The following TRIP12 variants were observed in gnomAD, a reference collection of about 807,000 sequenced individuals.
The protein encoded by TRIP12 is E3 ubiquitin-protein ligase TRIP12.
TRIP12 carries 25 observed loss-of-function variants against 244.2 expected under a neutral mutation model. That is an observed-to-expected ratio of 0.10 (90% CI 0.07 to 0.14). The LOEUF (loss-of-function observed/expected upper bound fraction) is 0.14, where lower values mean the gene tolerates loss of function less well. Ranked by LOEUF, TRIP12 falls within the 10% of genes least tolerant of loss-of-function variation. The probability of loss-of-function intolerance (pLI) is 1.00; values close to 1 mark genes in which losing one functional copy is unlikely to be tolerated. For missense variants in TRIP12, 1,677 were observed against 2,486.4 expected (o/e 0.67, Z 6.92); for synonymous variants, 905 against 873.1 (o/e 1.04, Z -0.64).
intron 1 of TRIP12, among the ~76,000 whole-genome samples, chr2:229,889,321 T>G: frequency 6.6e-6 from 1 of 152,226 alleles, no homozygotes; most frequent in Non-Finnish European, 1.5e-5. Flanking sequence ...TGTAAGATGA[T>G]CAATTATCCT....
rs771257539 is a variant in TRIP12, at chr2:229,804,204, C to A, written c.2674G>T (p.Asp892Tyr). Residue 892 changes from aspartate (D) to tyrosine (Y), a missense_variant, in exon 19 of 42, where the codon GAT becomes TAT. Physicochemically the swap from Asp to Tyr is radical, Grantham distance 160. This residue lies in a region of TRIP12 where 572 missense variants were observed against 867.8 expected (regional missense o/e 0.66). Transcript: ENST00000675903. ...TTCATAAGCTGTGCTCGAGCATCATCCTTCTTTGACTCTGAATATCCACCT... is the reference window on the plus strand; with the variant it reads ...TTCATAAGCTGTGCTCGAGCATCATACTTCTTTGACTCTGAATATCCACCT... Reference protein sequence around the residue: ...NTSGYSESKKDDARAQLMKED... With the variant: ...NTSGYSESKKYDARAQLMKED... 1 of 1,613,130 alleles carries A rather than the reference C, an allele frequency of 6.2e-7. No individual in the cohort carries two copies. The highest frequency in any genetic ancestry group is 1.1e-5 in the South Asian group (1 of 90,770).
intron 1 of TRIP12, among the ~76,000 whole-genome samples, chr2:229,902,201 T>C (rs897997031): frequency 2.0e-5 from 3 of 152,108 alleles, no homozygotes; most frequent in South Asian, 2.1e-4. Flanking sequence ...CTGGCCAACA[T>C]AGTGAAACCC....
intron 24 of TRIP12, 105 bp downstream of exon 24, chr2:229,797,585 G>T: frequency 7.1e-7 from 1 of 1,417,416 alleles, no homozygotes; most frequent in Non-Finnish European, 9.6e-7. Context: ...AGTCGATGTA[G>T]GATAGCTAAA....
At position 229,860,288 on chromosome 2, in the gene TRIP12, G is replaced by A. The variant is rs141870365; in HGVS notation, c.224+118C>T. 24 of 1,289,686 alleles carry A rather than the reference G, an allele frequency of 1.9e-5. No homozygotes were observed. In the African/African-American group the frequency reaches 2.7e-4, roughly 14 times the overall value. The allele number at this position is 1,289,686 out of a possible 1,614,324, so 79.9% of individuals were successfully genotyped here. A position where few individuals can be genotyped will look rare whatever the true frequency, so the allele number is the denominator to read the frequency against. ...AACTGTCAATCCTAAAAGTTACTTA[G>A]AGAATAATGAAAATATGTATCAAAA... On this transcript the variant is annotated intron_variant, in intron 3 of 41. Transcript: ENST00000675903.
intron 1 of TRIP12, among the ~76,000 whole-genome samples, chr2:229,904,830 T>C (rs1424716279): frequency 2.6e-5 from 4 of 152,180 alleles, no homozygotes; most frequent in Non-Finnish European, 4.4e-5. Flanking sequence ...AAATAAAGTA[T>C]AGGTAGTAAT....
intron 4 of TRIP12, among the ~76,000 whole-genome samples, chr2:229,853,224 C>T (rs2059023960): frequency 6.6e-6 from 1 of 152,058 alleles, no homozygotes; most frequent in Admixed American, 6.5e-5. Flanking sequence ...AAAAAACCTA[C>T]CCAATGTGAA....
intron 4 of TRIP12, among the ~76,000 whole-genome samples, chr2:229,849,951 G>T (rs1251618690): frequency 1.4e-5 from 2 of 145,574 alleles, no homozygotes; most frequent in African/African-American, 5.0e-5. Context: ...AAAAAAAAGA[G>T]GTAGCCCTTG....
At chr2:229,868,623 T>C (rs144334772) in intron 2 of TRIP12, among the ~76,000 whole-genome samples, 198 of 152,272 alleles carry the variant, frequency 1.3e-3, no homozygotes, top group African/African-American at 3.8e-3. Flanking sequence ...AGAAGCAGTT[T>C]GAACTTGCTT....
chr2:229,858,530 A>C (rs2059994864), intron 4 of TRIP12, among the ~76,000 whole-genome samples: 1 of 152,340 alleles, frequency 6.6e-6, no homozygotes, highest in East Asian at 1.9e-4. Context: ...CAATAAAGAC[A>C]CAGACACTAA....
rs568007788 is a variant in TRIP12 at position 229,892,384 on chromosome 2, G to A, written c.-49-12256C>T. ...AAAAATACACCTAAATGTCAACAGT[G>A]GAGCAGAGAGAGAAGTAGTAAAAAG... On this transcript the variant is annotated intron_variant, in intron 1 of 41. Coordinates refer to ENST00000675903, the MANE Select transcript of TRIP12 (RefSeq NM_001348323.3). Among the ~76,000 whole-genome samples, 11 of 152,276 alleles carry A rather than the reference G, an allele frequency of 7.2e-5. No homozygotes were observed. In the East Asian group the frequency reaches 1.7e-3, roughly 24 times the overall value.
intron 20 of TRIP12, among the ~76,000 whole-genome samples, chr2:229,803,173 A>G (rs1383033354): frequency 1.3e-5 from 2 of 152,228 alleles, no homozygotes; most frequent in Admixed American, 1.3e-4. Context: ...CTATCATTCT[A>G]TCAGACTCTT....
rs373615759 is a variant in TRIP12 at position 229,841,071 on chromosome 2, A to G, written c.1028-144T>C. 14 of 624,630 alleles carry G rather than the reference A, an allele frequency of 2.2e-5. No individual in the cohort carries two copies. In the South Asian group the frequency reaches 2.6e-4, roughly 12 times the overall value. 38.7% of individuals were successfully genotyped at this position (624,630 alleles called of 1,614,324 possible). On this transcript the variant is annotated intron_variant, in intron 4 of 41. Coordinates refer to ENST00000675903, the MANE Select transcript of TRIP12 (RefSeq NM_001348323.3). ...CAGCAGTATTACTAGCTTTATTTCCACAGCCTATTCATAATGAAAAAGCTA... is the reference window on the plus strand; with the variant it reads ...CAGCAGTATTACTAGCTTTATTTCCGCAGCCTATTCATAATGAAAAAGCTA...
chr2:229,839,970 T>C (rs556654119), intron 5 of TRIP12, among the ~76,000 whole-genome samples: 2 of 152,324 alleles, frequency 1.3e-5, no homozygotes, highest in South Asian at 4.1e-4. Flanking sequence ...CTACACCTTT[T>C]CTTGAGCGAA....
At chr2:229,922,519 G>C (rs758158081), upstream of TRIP12, 2 of 1,613,838 alleles carry the variant, frequency 1.2e-6, no homozygotes, top group East Asian at 4.5e-5. Flanking sequence ...CCAAGATGGC[G>C]TCGTGGCTGC....
intron 21 of TRIP12, among the ~76,000 whole-genome samples, chr2:229,800,638 T>C (rs1472896580): frequency 6.6e-6 from 1 of 152,228 alleles, no homozygotes; most frequent in Admixed American, 6.5e-5. Flanking sequence ...TGCTGTAATA[T>C]GGAACCACTT....
chr2:229,815,153 T>C lies in TRIP12; in HGVS notation c.1677A>G (p.Ala559=), dbSNP rs2048184027. ...CTACAACAGCAGAAGATCGAGGAAG[T>C]GCTTCCATCATGTATGTTAAGGCTC... ...ACRALTYMME[A]LPRSSAVVVD... is the part of the protein sequence containing the mutation. Residue 559 remains alanine, a synonymous_variant, in exon 11 of 42, where the codon GCA becomes GCG. Transcript: ENST00000675903. The C allele has an allele frequency of 1.2e-6, 2 of 1,613,302 alleles. No homozygotes were observed.
rs111384630 is a variant in TRIP12, at chr2:229,768,578, T to C, written c.6007+38A>G. 2.8e-4 allele frequency: 452 copies of C among 1,593,584 alleles called. 2 individuals are homozygous for C. The African/African-American group carries it at 5.1e-3, about 18-fold the overall frequency. On this transcript the variant is annotated intron_variant, in intron 41 of 41. Transcript: ENST00000675903. ...AGTTTCACACTCACAAACCCACCCATAGGTAGAATAAATGCTAAACATCAA... is the reference window on the plus strand; with the variant it reads ...AGTTTCACACTCACAAACCCACCCACAGGTAGAATAAATGCTAAACATCAA...
At chr2:229,787,472 C>G in intron 33 of TRIP12, 33 bp downstream of exon 33, 1 of 1,585,896 alleles carries the variant, frequency 6.3e-7, no homozygotes, top group Non-Finnish European at 8.6e-7. Context: ...TTGAAAAGCT[C>G]AGATTATTTA....
intron 6 of TRIP12, among the ~76,000 whole-genome samples, chr2:229,835,435 G>A (rs1288842278): frequency 6.6e-6 from 1 of 152,054 alleles, no homozygotes; most frequent in African/African-American, 2.4e-5. Flanking sequence ...TTATATATTC[G>A]TATAAATTAT....
Sources: allele counts gnomAD v4.1 joint callset (sites outside exome capture counted in the v4.1 genomes callset), GRCh38; gene constraint gnomAD v4.1.1; regional missense constraint gnomAD v4.1.1; transcripts MANE v1.5; gene names NCBI Gene and HGNC (gene_info 2026-07-23, HGNC 2026-07-21).